Variants in TRHDE observed in about 807,000 individuals in gnomAD.
TRHDE encodes the protein thyrotropin-releasing hormone-degrading ectoenzyme.
In TRHDE, 72 loss-of-function variants were observed where a neutral mutation model predicts 125.7. The ratio of observed to expected loss-of-function variants is 0.57; its 90% confidence interval spans 0.47 to 0.70. The LOEUF (loss-of-function observed/expected upper bound fraction) is 0.70, where lower values mean the gene tolerates loss of function less well. Among genes scored for constraint, TRHDE ranks in the 30% least tolerant of loss-of-function variants. TRHDE has a pLI of 0.00. For missense variants in TRHDE, 1,110 were observed against 1,327.1 expected (o/e 0.84, Z 2.54); for synonymous variants, 509 against 509.1 (o/e 1.00, Z 0.00).
intron 2 of TRHDE, among the ~76,000 whole-genome samples, chr12:72,245,970 C>G (rs1200351310): frequency 2.0e-5 from 3 of 151,906 alleles, no homozygotes; most frequent in African/African-American, 7.3e-5. Context: ...TACAAAGTAC[C>G]ATACTATATT....
intron 6 of TRHDE, among the ~76,000 whole-genome samples, chr12:72,524,836 CT>C (rs1868305716): frequency 6.6e-6 from 1 of 152,122 alleles, no homozygotes; most frequent in Admixed American, 6.6e-5. Flanking sequence ...CCCCGCAACA[CT>C]TTGTCTGAAA....
chr12:72,483,873 CA>C (rs1410770205), intron 5 of TRHDE, among the ~76,000 whole-genome samples: 2 of 151,736 alleles, frequency 1.3e-5, no homozygotes, highest in African/African-American at 4.8e-5. Context: ...AAGTAAAGTA[CA>C]AAAATGGTTT....
intron 1 of TRHDE, among the ~76,000 whole-genome samples, chr12:72,097,177 A>G (rs1189199760): frequency 6.6e-6 from 1 of 152,220 alleles, no homozygotes; most frequent in African/African-American, 2.4e-5. Flanking sequence ...TGTATACTAC[A>G]TCATCCTTGT....
chr12:72,475,443 AAGT>A (rs1876846776), intron 5 of TRHDE, among the ~76,000 whole-genome samples: 1 of 152,172 alleles, frequency 6.6e-6, no homozygotes, highest in Admixed American at 6.5e-5. Flanking sequence ...TTAGATTTAA[AAGT>A]AGTCAACAGA....
intron 2 of TRHDE, among the ~76,000 whole-genome samples, chr12:72,245,918 T>C (rs892245663): frequency 1.3e-5 from 2 of 152,164 alleles, no homozygotes; most frequent in African/African-American, 4.8e-5. Flanking sequence ...GAGTATAGTA[T>C]ATATTCTGTT....
At chr12:72,597,276 T>C (rs1871981872) in intron 12 of TRHDE, among the ~76,000 whole-genome samples, 1 of 152,226 alleles carries the variant, frequency 6.6e-6, no homozygotes, top group African/African-American at 2.4e-5. Context: ...TAGTGTTGGA[T>C]ACATGCTTAG....
chr12:72,253,688 C>T (rs1168649849), intron 2 of TRHDE: 1 of 152,178 alleles, frequency 6.6e-6, no homozygotes, highest in Admixed American at 6.5e-5. Context: ...TTTTTAAAGA[C>T]ACTCTTCATT....
At chr12:72,422,454 A>G (rs1250226573) in intron 3 of TRHDE, among the ~76,000 whole-genome samples, 1 of 152,194 alleles carries the variant, frequency 6.6e-6, no homozygotes, top group African/African-American at 2.4e-5. Context: ...CTATCTTTTC[A>G]ATTCTAGCGT....
intron 12 of TRHDE, among the ~76,000 whole-genome samples, chr12:72,613,936 C>T (rs1872717305): frequency 6.6e-6 from 1 of 152,052 alleles, no homozygotes; most frequent in South Asian, 2.1e-4. Flanking sequence ...AACAATAGTG[C>T]TGGTGTCAGT....
At chr12:72,559,946 C>T (rs934552921) in intron 7 of TRHDE, among the ~76,000 whole-genome samples, 2 of 152,004 alleles carry the variant, frequency 1.3e-5, no homozygotes, top group African/African-American at 2.4e-5. Flanking sequence ...CCATTGTTTC[C>T]CCTGTACTAG....
intron 9 of TRHDE, among the ~76,000 whole-genome samples, chr12:72,564,819 G>A (rs1014912337): frequency 1.9e-4 from 28 of 151,306 alleles, no homozygotes; most frequent in Non-Finnish European, 3.8e-4. Flanking sequence ...AGGGCCCGCC[G>A]CCACACCCGG....
chr12:72,473,420 A>G (rs1457312166), intron 5 of TRHDE, among the ~76,000 whole-genome samples: 2 of 152,166 alleles, frequency 1.3e-5, no homozygotes, highest in Non-Finnish European at 2.9e-5. Context: ...CTGAATAGAA[A>G]TATTTTCAAT....
intron 3 of TRHDE, among the ~76,000 whole-genome samples, chr12:72,379,667 G>A (rs983698736): frequency 6.6e-6 from 1 of 152,208 alleles, no homozygotes; most frequent in African/African-American, 2.4e-5. Flanking sequence ...GGGGTTCCAT[G>A]TAACTGTCAG....
intron 1 of TRHDE, among the ~76,000 whole-genome samples, chr12:72,285,007 T>C (rs1271036788): frequency 6.6e-6 from 1 of 152,180 alleles, no homozygotes; most frequent in South Asian, 2.1e-4. Flanking sequence ...CCAAGATAAC[T>C]CTCGAAAACC....
intron 6 of TRHDE, among the ~76,000 whole-genome samples, chr12:72,534,605 A>G (rs1868751290): frequency 6.6e-6 from 1 of 151,028 alleles, no homozygotes; most frequent in Admixed American, 6.6e-5. Flanking sequence ...TGATGAAGAT[A>G]ACAATACCTA....
chr12:72,548,128 A>G (rs956615406), intron 7 of TRHDE, among the ~76,000 whole-genome samples: 2 of 151,732 alleles, frequency 1.3e-5, no homozygotes, highest in African/African-American at 4.8e-5. Context: ...ACCCACTTCT[A>G]TCCTCTCTTC....
intron 10 of TRHDE, among the ~76,000 whole-genome samples, chr12:72,572,722 T>A (rs1353925954): frequency 6.6e-6 from 1 of 152,046 alleles, no homozygotes; most frequent in Non-Finnish European, 1.5e-5. Flanking sequence ...CTTATTCTGG[T>A]CAGATGGTGT....
At chr12:72,662,984 TCATGTTTGTTGG>T in intron 18 of TRHDE, 56 bp from the exon 19 acceptor site, 1 of 1,467,784 alleles carries the variant, frequency 6.8e-7, no homozygotes, top group Non-Finnish European at 9.3e-7. Flanking sequence ...AGATTCTTGT[TCATGTTTGTTGG>T]ACATGAGTTC....
At chr12:72,452,138 A>T (rs1393673777) in intron 3 of TRHDE, among the ~76,000 whole-genome samples, 1 of 151,918 alleles carries the variant, frequency 6.6e-6, no homozygotes, top group Non-Finnish European at 1.5e-5. Flanking sequence ...TCAGGGTTTT[A>T]TAGTTTTCAT....
Sources: allele counts gnomAD v4.1 joint callset (sites outside exome capture counted in the v4.1 genomes callset), GRCh38; gene constraint gnomAD v4.1.1; transcripts MANE v1.5; gene names NCBI Gene and HGNC (gene_info 2026-07-23, HGNC 2026-07-21).